The following ATXN7 variants were observed in gnomAD, a reference collection of about 807,000 sequenced individuals.
The protein encoded by ATXN7 is ataxin-7.
In ATXN7, 12 loss-of-function variants were observed where a neutral mutation model predicts 70.5. That is an observed-to-expected ratio of 0.17 (90% CI 0.11 to 0.28). ATXN7 has a LOEUF of 0.28. Among genes scored for constraint, ATXN7 ranks in the 10% least tolerant of loss-of-function variants. The probability of loss-of-function intolerance (pLI) is 1.00; values close to 1 mark genes in which losing one functional copy is unlikely to be tolerated. For synonymous variants in ATXN7, 498 were observed against 448.7 expected (o/e 1.11, Z -1.39); for missense variants, 1,256 against 1,131.7 (o/e 1.11, Z -1.58).
At chr3:63,985,302 C>T (rs1463394191) in intron 8 of ATXN7, among the ~76,000 whole-genome samples, 1 of 152,092 alleles carries the variant, frequency 6.6e-6, no homozygotes, top group Non-Finnish European at 1.5e-5. Context: ...CTCCCCTTGT[C>T]GTCCTTCTTT....
Position 63,934,049 on chromosome 3 carries a change from T to C in ATXN7, c.395-18330T>C, listed in dbSNP as rs148037805. ...AATGTTGTACTTAAAAAGCTACTTA[T>C]GTTCATCATTGTTTTTAGAATCATC... On this transcript the variant is annotated intron_variant, in intron 4 of 12. Coordinates refer to ENST00000674280, the MANE Select transcript of ATXN7 (RefSeq NM_001377405.1). 2.4e-4 allele frequency among the ~76,000 whole-genome samples: 36 copies of C among 152,344 alleles called. 1 individual carries two copies. In the East Asian group the frequency reaches 3.5e-3, roughly 15 times the overall value.
intron 4 of ATXN7, among the ~76,000 whole-genome samples, chr3:63,934,281 T>C (rs112288794): frequency 5.5e-4 from 83 of 152,120 alleles, no homozygotes; most frequent in African/African-American, 1.9e-3. Flanking sequence ...CTGGCCTCTT[T>C]GGCGCACAGT....
chr3:63,863,372 G>A (rs1279561619), upstream of ATXN7: 1 of 917,002 alleles, frequency 1.1e-6, no homozygotes, highest in African/African-American at 1.8e-5. Context: ...TCCACCCTTC[G>A]CGGCTCCTGG....
intron 4 of ATXN7, among the ~76,000 whole-genome samples, chr3:63,952,076 C>G (rs2074963830): frequency 6.6e-6 from 1 of 152,192 alleles, no homozygotes; most frequent in African/African-American, 2.4e-5. Context: ...GTTGCAGATT[C>G]TTTCCCTTAA....
intron 1 of ATXN7, among the ~76,000 whole-genome samples, chr3:63,887,481 A>T (rs555936064): frequency 3.3e-5 from 5 of 152,380 alleles, no homozygotes; most frequent in African/African-American, 1.2e-4. Flanking sequence ...TATAAACATA[A>T]GCACAGTGAC....
intron 2 of ATXN7, among the ~76,000 whole-genome samples, chr3:63,910,959 T>C (rs1294662313): frequency 1.3e-5 from 2 of 152,158 alleles, no homozygotes; most frequent in African/African-American, 4.8e-5. Context: ...TTTATGCTTA[T>C]GTAAACTTCC....
intron 5 of ATXN7, among the ~76,000 whole-genome samples, chr3:63,959,654 C>T (rs1023355942): frequency 6.6e-6 from 1 of 152,008 alleles, no homozygotes; most frequent in Admixed American, 6.6e-5. Flanking sequence ...AAGGTTTATT[C>T]TCTCTCAGCT....
At chr3:63,933,227 C>T (rs371513779) in intron 4 of ATXN7, among the ~76,000 whole-genome samples, 77 of 152,170 alleles carry the variant, frequency 5.1e-4, no homozygotes, top group Non-Finnish European at 1.2e-4. Flanking sequence ...GAGTCTCTCC[C>T]TAAGGAACTG....
At chr3:63,968,049 G>A in intron 5 of ATXN7, 3 of 1,244,298 alleles carry the variant, frequency 2.4e-6, no homozygotes, top group Non-Finnish European at 3.4e-6. Flanking sequence ...TGTGGACGGT[G>A]GGGTAGGTCT....
At chr3:63,979,816 G>A (rs2075456074) in intron 5 of ATXN7, 99 bp from the exon 6 acceptor site, 1 of 1,532,786 alleles carries the variant, frequency 6.5e-7, no homozygotes. Flanking sequence ...AACGACACGT[G>A]TTTTAACCTG....
intron 4 of ATXN7, among the ~76,000 whole-genome samples, chr3:63,946,851 T>C (rs915311014): frequency 2.0e-5 from 3 of 152,000 alleles, no homozygotes; most frequent in Non-Finnish European, 4.4e-5. Context: ...GTATTATTGC[T>C]TTACAAGTTT....
chr3:63,965,333 ACG>A (rs1325051384), intron 5 of ATXN7, among the ~76,000 whole-genome samples: 3 of 152,144 alleles, frequency 2.0e-5, no homozygotes, highest in Non-Finnish European at 4.4e-5. Context: ...TCTCTTGCCC[ACG>A]GCTGCACAAC....
chr3:63,956,281 A>C (rs2075036984), intron 5 of ATXN7, among the ~76,000 whole-genome samples: 1 of 152,090 alleles, frequency 6.6e-6, no homozygotes, highest in African/African-American at 2.4e-5. Context: ...AATACAAAAA[A>C]TAAGCCAGGC....
intron 5 of ATXN7, among the ~76,000 whole-genome samples, chr3:63,958,336 A>G (rs2075070795): frequency 6.6e-6 from 1 of 152,186 alleles, no homozygotes; most frequent in South Asian, 2.1e-4. Context: ...CATATGAGAA[A>G]TTACTCATAC....
rs552814962 is a variant in ATXN7 at position 63,913,705 on chromosome 3, C to T, written c.394+480C>T. Reference sequence around the variant, plus strand: ...ATGTTAGAAAAAGGTCATCATAACCCGGAGTGCATTTTGGTCAGATTTTTT... The same window carrying T: ...ATGTTAGAAAAAGGTCATCATAACCTGGAGTGCATTTTGGTCAGATTTTTT... On this transcript the variant is annotated intron_variant, in intron 4 of 12. Transcript: ENST00000674280. 2.5e-4 allele frequency among the ~76,000 whole-genome samples: 38 copies of T among 152,248 alleles called. No individual in the cohort carries two copies. In the South Asian group the frequency reaches 7.3e-3, roughly 29 times the overall value.
intron 4 of ATXN7, among the ~76,000 whole-genome samples, chr3:63,926,152 C>T (rs1018950836): frequency 7.9e-5 from 12 of 152,102 alleles, no homozygotes; most frequent in Admixed American, 2.6e-4. Flanking sequence ...ATTTGCTTGC[C>T]TTTGTTCGTT....
Position 63,916,275 on chromosome 3 carries a change from A to G in ATXN7, c.394+3050A>G, listed in dbSNP as rs140481436. Among the ~76,000 whole-genome samples the G allele has an allele frequency of 1.7e-3, 255 of 152,244 alleles. 1 individual carries two copies. The highest frequency in any genetic ancestry group is 1.2e-3 in the Non-Finnish European group (85 of 68,018). ...GTTGATAACCTGACTTCTTAATTCT[A>G]TATTTCTAGGTACAGGGTTTTAAAA... On this transcript the variant is annotated intron_variant, in intron 4 of 12. Coordinates refer to ENST00000674280, the MANE Select transcript of ATXN7 (RefSeq NM_001377405.1).
chr3:63,911,133 G>A (rs1304721447), intron 2 of ATXN7, among the ~76,000 whole-genome samples: 1 of 152,280 alleles, frequency 6.6e-6, no homozygotes, highest in Admixed American at 6.5e-5. Context: ...TACTACTGCA[G>A]TGTGAAACAT....
At chr3:63,953,601 C>T (rs1271481383) in intron 5 of ATXN7, among the ~76,000 whole-genome samples, 3 of 151,336 alleles carry the variant, frequency 2.0e-5, no homozygotes, top group Non-Finnish European at 2.9e-5. Context: ...TGACACCGGA[C>T]TGAGAGTAAG....
Sources: gnomAD v4.1 joint callset for allele counts (sites outside exome capture counted in the v4.1 genomes callset) on GRCh38, gnomAD v4.1.1 for gene constraint, MANE v1.5 for transcripts, NCBI Gene and HGNC (gene_info 2026-07-23, HGNC 2026-07-21) for gene names.